HGD: variants seen among roughly 807,000 people sequenced by gnomAD.
The protein encoded by HGD is homogentisate oxidase.
Under a neutral mutation model 60.8 loss-of-function variants are expected in HGD, and 61 were observed. The observed-to-expected ratio is 1.00, with a 90% CI of 0.82 to 1.24. HGD has a LOEUF of 1.24. Ranked by LOEUF, HGD falls within the 50% of genes most tolerant of loss-of-function variation. The pLI is 0.00. For missense variants in HGD, 542 were observed against 547.1 expected (o/e 0.99, Z 0.09); for synonymous variants, 212 against 187.7 (o/e 1.13, Z -1.06).
chr3:120,674,794 G>A (rs1708090585), intron 3 of HGD, 107 bp downstream of exon 3: 1 of 774,040 alleles, frequency 1.3e-6, no homozygotes. Flanking sequence ...ATAAGAAGCA[G>A]GATCTTGGGC....
intron 11 of HGD, among the ~76,000 whole-genome samples, chr3:120,639,572 G>C (rs542373404): frequency 6.6e-6 from 1 of 152,182 alleles, no homozygotes; most frequent in Non-Finnish European, 1.5e-5. Context: ...AGAACCAACG[G>C]TGCCTGCTTC....
intron 5 of HGD, among the ~76,000 whole-genome samples, chr3:120,651,884 G>A (rs1246900058): frequency 6.6e-6 from 1 of 152,162 alleles, no homozygotes; most frequent in African/African-American, 2.4e-5. Context: ...ATCTACTTCA[G>A]GGAGATTTAT....
At chr3:120,650,321 A>G (rs1941299931) in intron 6 of HGD, among the ~76,000 whole-genome samples, 1 of 152,212 alleles carries the variant, frequency 6.6e-6, no homozygotes, top group Admixed American at 6.5e-5. Context: ...CCTCCCTAAA[A>G]TGTATAAAAC....
rs967784048 is a variant in HGD, at chr3:120,638,996, C to T, written c.880-415G>A. Among the ~76,000 whole-genome samples, 5 of 152,176 alleles carry T rather than the reference C, an allele frequency of 3.3e-5. No individual in the cohort carries two copies. In the South Asian group the frequency reaches 6.2e-4, roughly 19 times the overall value. On this transcript the variant is annotated intron_variant, in intron 11 of 13. Transcript: ENST00000283871. ...CCCCAACACATGCTCTCTTGATTGC[C>T]TCCATGTAAGACATGCTTTTGCTCC...
At chr3:120,651,839 T>C (rs1190199901) in intron 5 of HGD, among the ~76,000 whole-genome samples, 1 of 152,154 alleles carries the variant, frequency 6.6e-6, no homozygotes, top group Non-Finnish European at 1.5e-5. Context: ...CTAACTAGAG[T>C]TGCCATGTTG....
intron 4 of HGD, among the ~76,000 whole-genome samples, chr3:120,653,638 T>C (rs1484227816): frequency 6.6e-6 from 1 of 152,176 alleles, no homozygotes; most frequent in East Asian, 1.9e-4. Context: ...CAAAGCAGGA[T>C]GGTCACATTA....
intron 4 of HGD, among the ~76,000 whole-genome samples, chr3:120,657,472 T>C (rs1941531173): frequency 6.6e-6 from 1 of 152,174 alleles, no homozygotes; most frequent in Non-Finnish European, 1.5e-5. Context: ...AAATTTCCCA[T>C]GGACTCAACT....
intron 4 of HGD, among the ~76,000 whole-genome samples, chr3:120,658,983 A>G (rs909653954): frequency 2.0e-5 from 3 of 152,218 alleles, no homozygotes; most frequent in Admixed American, 6.5e-5. Context: ...CTGGCCCACA[A>G]AATCATTCTT....
Position 120,677,619 on chromosome 3 carries a change from C to T in HGD, c.16-1756G>A, listed in dbSNP as rs557607718. Reference sequence around the variant, plus strand: ...TTCATTAGCAATTTTAATTTCGCCTCGGTCCTGTGGTCCTGTGATCTCACC... The same window carrying T: ...TTCATTAGCAATTTTAATTTCGCCTTGGTCCTGTGGTCCTGTGATCTCACC... On this transcript the variant is annotated intron_variant, in intron 1 of 13. Coordinates refer to ENST00000283871, the MANE Select transcript of HGD (RefSeq NM_000187.4). Among the ~76,000 whole-genome samples the T allele has an allele frequency of 7.9e-5, 12 of 152,276 alleles. No individual in the cohort carries two copies. In the East Asian group the frequency reaches 1.3e-3, roughly 17 times the overall value.
intron 11 of HGD, among the ~76,000 whole-genome samples, chr3:120,639,692 C>T (rs1347393019): frequency 6.6e-6 from 1 of 150,880 alleles, no homozygotes; most frequent in Admixed American, 6.6e-5. Context: ...AGATGTGCTC[C>T]TCTTTGGGAG....
intron 4 of HGD, among the ~76,000 whole-genome samples, chr3:120,665,435 A>C (rs939663586): frequency 6.6e-6 from 1 of 152,228 alleles, no homozygotes; most frequent in Non-Finnish European, 1.5e-5. Flanking sequence ...CAGGAATTCT[A>C]GCTGAAATCT....
At chr3:120,656,904 A>T (rs1039153729) in intron 4 of HGD, among the ~76,000 whole-genome samples, 1 of 152,204 alleles carries the variant, frequency 6.6e-6, no homozygotes, top group Non-Finnish European at 1.5e-5. Flanking sequence ...TAGAAAATCA[A>T]ATATTTCTAA....
At chr3:120,669,162 CA>C (rs1707968310) in intron 4 of HGD, among the ~76,000 whole-genome samples, 1 of 152,018 alleles carries the variant, frequency 6.6e-6, no homozygotes, top group Non-Finnish European at 1.5e-5. Flanking sequence ...TAATTCAGCC[CA>C]GATAGCAAGA....
intron 7 of HGD, among the ~76,000 whole-genome samples, 160 bp from the exon 8 acceptor site, chr3:120,647,212 G>A (rs1292556073): frequency 6.6e-6 from 1 of 152,154 alleles, no homozygotes; most frequent in Non-Finnish European, 1.5e-5. Flanking sequence ...ACTTAGATTA[G>A]CTATTTTCCT....
chr3:120,682,158 A>G lies in HGD; in HGVS notation c.-47T>C, dbSNP rs1183597820. The G allele has an allele frequency of 1.9e-6, 3 of 1,594,958 alleles. No individual in the cohort carries two copies. Among genetic ancestry groups the G allele is most frequent in the African/African-American group, 1.3e-5 (1 of 74,618 alleles). ...GTGACTTCAGGAAACCCAGGCCCAG[A>G]GGATATAAAGCCACAATGCTTCTTT... On this transcript the variant is annotated 5_prime_UTR_variant, in exon 1 of 14. Coordinates refer to ENST00000283871, the MANE Select transcript of HGD (RefSeq NM_000187.4).
intron 9 of HGD, 182 bp from the exon 10 acceptor site, chr3:120,644,625 C>G (rs1941102759): frequency 6.5e-7 from 1 of 1,528,912 alleles, no homozygotes; most frequent in African/African-American, 1.4e-5. Flanking sequence ...GGAATCTGGT[C>G]AGAAAAAAAT....
intron 6 of HGD, among the ~76,000 whole-genome samples, chr3:120,650,496 A>G (rs1941304731): frequency 6.6e-6 from 1 of 151,782 alleles, no homozygotes; most frequent in African/African-American, 2.4e-5. Context: ...CTTTCGATCT[A>G]CTCCTGCATT....
rs1941378090 is a variant in HGD, at chr3:120,652,614, T to C, written c.320A>G (p.Gln107Arg). Residue 107 changes from glutamine (Q) to arginine (R), a missense_variant, in exon 5 of 14, where the codon CAG (glutamine) becomes CGG (arginine). Gln to Arg is a conservative substitution (Grantham distance 43). This residue lies in a region of HGD where 537 missense variants were observed against 529.1 expected (regional missense o/e 1.01). Coordinates refer to ENST00000283871, the MANE Select transcript of HGD (RefSeq NM_000187.4). ...TACACTCACAAAGTCTACTTTCTTCTGAGATGCTTTTGGAATCTCAAATGG... is the reference window on the plus strand; with the variant it reads ...TACACTCACAAAGTCTACTTTCTTCCGAGATGCTTTTGGAATCTCAAATGG... The part of the protein sequence containing the change: ...WKPFEIPKAS[Q>R]KKVDFVSGLH... 7 of 1,613,352 alleles carry C rather than the reference T, an allele frequency of 4.3e-6. No individual in the cohort carries two copies. The highest frequency in any genetic ancestry group is 1.1e-5 in the South Asian group (1 of 91,064).
chr3:120,676,881 C>A (rs1454130857), intron 1 of HGD, among the ~76,000 whole-genome samples: 1 of 152,124 alleles, frequency 6.6e-6, no homozygotes, highest in East Asian at 1.9e-4. Flanking sequence ...GTCTGGGACT[C>A]CAAACGGAGG....
Sources: gnomAD v4.1 joint callset for allele counts (sites outside exome capture counted in the v4.1 genomes callset) on GRCh38, gnomAD v4.1.1 for gene constraint, gnomAD v4.1.1 regional missense constraint, MANE v1.5 for transcripts, NCBI Gene and HGNC (gene_info 2026-07-23, HGNC 2026-07-21) for gene names.